TRIM65: variants seen among roughly 807,000 people sequenced by gnomAD.
TRIM65 encodes the protein tripartite motif containing 65.
TRIM65 carries 46 observed loss-of-function variants against 36.1 expected under a neutral mutation model. That is an observed-to-expected ratio of 1.27 (90% CI 1.01 to 1.63). TRIM65 has a LOEUF of 1.63. Among genes scored for constraint, TRIM65 ranks in the 40% most tolerant of loss-of-function variants. The probability of loss-of-function intolerance (pLI) is 0.00; values close to 1 mark genes in which losing one functional copy is unlikely to be tolerated. For missense variants in TRIM65, 708 were observed against 696.6 expected (o/e 1.02, Z -0.18); for synonymous variants, 346 against 313.6 (o/e 1.10, Z -1.09).
Position 75,896,606 on chromosome 17 carries a change from C to T in TRIM65, c.332G>A (p.Arg111His). The T allele has an allele frequency of 1.6e-6, 2 of 1,268,190 alleles. No homozygotes were observed. Among genetic ancestry groups the T allele is most frequent in the South Asian group, 3.0e-5 (1 of 33,828 alleles). The allele number at this position is 1,268,190 out of a possible 1,614,324, so 78.6% of individuals were successfully genotyped here. The change falls in exon 1 of 6, where the codon CGC becomes CAC. Residue 111 changes from arginine (R) to histidine (H), a missense_variant. Coordinates refer to ENST00000269383, the MANE Select transcript of TRIM65 (RefSeq NM_173547.4). ...CACGGTGCACACGCTGCACACACAG[C>T]GGCCCTCGGTCCGGCAGAAGAGCTC... ...PLELFCRTEG[R>H]CVCSVCTVRE...
rs2065275068 is a variant in TRIM65, at chr17:75,892,011, C to A, written c.919G>T (p.Glu307Ter). ...GGGGGAGGCCTGGGGTCAGTCTTAC[C>A]CACGGGGGCTAAGTCCACAGGCTTG... ...PAKPVDLAPV[E>*]APGPLAPVPS... The change falls in exon 4 of 6, where the codon GAG becomes TAG. Residue 307 changes from glutamate (E) to a stop codon, truncating the protein, a stop_gained and splice_region_variant. Coordinates refer to ENST00000269383, the MANE Select transcript of TRIM65 (RefSeq NM_173547.4). LOFTEE classifies it high-confidence loss of function. The A allele has an allele frequency of 6.4e-7, 1 of 1,552,312 alleles. No homozygotes were observed. The highest frequency in any genetic ancestry group is 1.4e-5 in the African/African-American group (1 of 73,084).
downstream of TRIM65, among the ~76,000 whole-genome samples, chr17:75,886,405 C>G (rs962608217): frequency 6.6e-6 from 1 of 151,708 alleles, no homozygotes; most frequent in African/African-American, 2.4e-5. Context: ...ACCTGTAGTC[C>G]CAGCTACTCA....
At position 75,891,289 on chromosome 17, in the gene TRIM65, G is replaced by C; in HGVS notation, c.1044C>G (p.Arg348=). Residue 348 remains arginine (R), a synonymous_variant, in exon 6 of 6, where the codon CGC becomes CGG. Transcript: ENST00000269383. ...VSANRHFYLS[R]QDQQVKHCRQ... ...GACAGTGCTTCACCTGCTGGTCCTG[G>C]CGCGACAGATAGAAGTGACGGTTGG... The C allele has an allele frequency of 6.2e-7, 1 of 1,613,284 alleles. No individual in the cohort carries two copies. The highest frequency in any genetic ancestry group is 2.2e-5 in the East Asian group (1 of 44,882).
At position 75,890,754 on chromosome 17, in the gene TRIM65, G is replaced by A. The variant is rs751221816; in HGVS notation, c.*25C>T. ...GGCACATAGGCATGGTGGCAGCTAT[G>A]CCAGGGCTCCATCCCATGCCTTCTT... On this transcript the variant is annotated 3_prime_UTR_variant, in exon 6 of 6. Transcript: ENST00000269383. The A allele has an allele frequency of 2.8e-6, 4 of 1,436,944 alleles. No homozygotes were observed. Among genetic ancestry groups the A allele is most frequent in the Non-Finnish European group, 2.7e-6 (3 of 1,094,938 alleles). The allele number at this position is 1,436,944 out of a possible 1,614,324, so 89.0% of individuals were successfully genotyped here.
rs747730163 is a variant in TRIM65, at chr17:75,892,728, G to A, written c.510+27C>T. 5.7e-6 allele frequency: 9 copies of A among 1,592,134 alleles called. 1 individual carries two copies. The South Asian group carries it at 6.6e-5, about 12-fold the overall frequency. On this transcript the variant is annotated intron_variant, in intron 2 of 5. Coordinates refer to ENST00000269383, the MANE Select transcript of TRIM65 (RefSeq NM_173547.4). ...CCCCAGGATGCAGTGTGAGGCCATG[G>A]TGGGCGGGCAGGCACAGGCCTCGTA...
chr17:75,887,154 TAAAA>T (rs5822108), downstream of TRIM65, among the ~76,000 whole-genome samples: 5 of 101,736 alleles, frequency 4.9e-5, no homozygotes, highest in Non-Finnish European at 9.8e-5. Flanking sequence ...CCCCATCTCT[TAAAA>T]AAAAAAAAAA....
chr17:75,881,821 A>G (rs1249786136), intron 4 of TRIM65, among the ~76,000 whole-genome samples: 1 of 150,430 alleles, frequency 6.6e-6, no homozygotes, highest in Non-Finnish European at 1.5e-5. Context: ...GTGGGAAAAG[A>G]CCTTCCGGGC....
chr17:75,892,687 G>T, intron 2 of TRIM65, 68 bp downstream of exon 2: 2 of 1,467,302 alleles, frequency 1.4e-6, no homozygotes, highest in South Asian at 1.2e-5. Flanking sequence ...GTGTTCCAGG[G>T]ACCAGCTGGT....
intron 1 of TRIM65, among the ~76,000 whole-genome samples, chr17:75,894,035 T>C (rs1262733184): frequency 6.6e-6 from 1 of 152,146 alleles, no homozygotes. Context: ...CTTCACCTCA[T>C]CTCAGCCGCT....
intron 2 of TRIM65, 96 bp from the exon 3 acceptor site, chr17:75,892,596 G>T: frequency 7.7e-7 from 1 of 1,291,516 alleles, no homozygotes; most frequent in Non-Finnish European, 1.1e-6. Flanking sequence ...GAGGGTCAGG[G>T]ATGTGGGGAG....
chr17:75,881,235 C>CAAAAAAAAAAAAAAA (rs58718762), intron 4 of TRIM65, among the ~76,000 whole-genome samples: 7 of 110,258 alleles, frequency 6.3e-5, no homozygotes, highest in Non-Finnish European at 1.1e-4. Flanking sequence ...GACTCCATCT[C>CAAAAAAAAAAAAAAA]AAAAAAAAAA....
Position 75,891,217 on chromosome 17 carries a change from C to T in TRIM65, c.1116G>A (p.Gln372=), listed in dbSNP as rs754075016. ...CCTGGAAGCTCTGGGCACATTGCAC[C>T]TGCCAGAGCTCAAAGCTGCCGGGCC... is the stretch of plus-strand genomic sequence containing the variant. The part of the protein sequence containing the change: ...PGGPGSFELW[Q]VQCAQSFQAG... The change falls in exon 6 of 6, where the codon CAG becomes CAA. Residue 372 remains glutamine (Q), a synonymous_variant. Transcript: ENST00000269383. 5 of 1,612,610 alleles carry T rather than the reference C, an allele frequency of 3.1e-6. No homozygotes were observed. Among genetic ancestry groups the T allele is most frequent in the Non-Finnish European group, 4.2e-6 (5 of 1,180,012 alleles).
chr17:75,896,120 A>T (rs2065342520), intron 1 of TRIM65, among the ~76,000 whole-genome samples: 1 of 152,104 alleles, frequency 6.6e-6, no homozygotes, highest in African/African-American at 2.4e-5. Flanking sequence ...CAGTGGCACG[A>T]TCTCGGCTTA....
rs769963005 is a variant in TRIM65 at position 75,896,608 on chromosome 17, G to A, written c.330C>T (p.Gly110=). The A allele has an allele frequency of 4.7e-6, 6 of 1,265,506 alleles. No homozygotes were observed. The highest frequency in any genetic ancestry group is 5.9e-6 in the Non-Finnish European group (6 of 1,008,798). 78.4% of individuals were successfully genotyped at this position (1,265,506 alleles called of 1,614,324 possible). ...RPLELFCRTE[G]RCVCSVCTVR... ...CGGTGCACACGCTGCACACACAGCG[G>A]CCCTCGGTCCGGCAGAAGAGCTCCA... Residue 110 remains glycine (G), a synonymous_variant, in exon 1 of 6, where the codon GGC becomes GGT. Transcript: ENST00000269383.
rs1328774744 is a variant in TRIM65, at chr17:75,891,016, T to C, written c.1317A>G (p.Glu439=). Residue 439 remains glutamate (E), a synonymous_variant, in exon 6 of 6, where the codon GAA becomes GAG. Transcript: ENST00000269383. ...EDSLQAWHNG[E]AQRLPGVSGR... ...CTGACACCCCTGGGAGGCGCTGGGC[T>C]TCCCCGTTGTGCCAGGCCTGGAGGC... 17 of 1,605,614 alleles carry C rather than the reference T, an allele frequency of 1.1e-5. No individual in the cohort carries two copies. The highest frequency in any genetic ancestry group is 1.4e-5 in the Non-Finnish European group (16 of 1,176,568).
downstream of TRIM65, among the ~76,000 whole-genome samples, chr17:75,884,352 C>T (rs1367603250): frequency 1.4e-5 from 2 of 146,832 alleles, no homozygotes; most frequent in African/African-American, 2.5e-5. Context: ...CCAGCTACTC[C>T]GGAGGCTGAA....
chr17:75,887,081 T>C (rs1209606679), downstream of TRIM65, among the ~76,000 whole-genome samples: 4 of 147,706 alleles, frequency 2.7e-5, no homozygotes, highest in African/African-American at 7.6e-5. Context: ...GAAGGATCAC[T>C]TGAGCCCGGG....
rs2065279003 is a variant in TRIM65, at chr17:75,892,200, GAACAA to G, written c.745-20_745-16del. On this transcript the variant is annotated splice_polypyrimidine_tract_variant and intron_variant, in intron 3 of 5. Coordinates refer to ENST00000269383, the MANE Select transcript of TRIM65 (RefSeq NM_173547.4). ...AGCTGCGATTCCTGAGCCCCAGGGA[GAACAA>G]GTAAGCCTGGGCCTGAGGGGCAGGG... 5 of 1,577,640 alleles carry G rather than the reference GAACAA, an allele frequency of 3.2e-6. No homozygotes were observed. In the East Asian group the frequency reaches 7.0e-5, roughly 22 times the overall value.
intron 1 of TRIM65, among the ~76,000 whole-genome samples, chr17:75,893,204 C>T (rs909400103): frequency 2.6e-5 from 4 of 152,180 alleles, no homozygotes; most frequent in Non-Finnish European, 2.9e-5. Flanking sequence ...TACAGGAAAG[C>T]GATAATGCTG....
Sources: allele counts gnomAD v4.1 joint callset (sites outside exome capture counted in the v4.1 genomes callset), GRCh38; gene constraint gnomAD v4.1.1; transcripts MANE v1.5; gene names NCBI Gene and HGNC (gene_info 2026-07-23, HGNC 2026-07-21).